The following ZFHX3 variants were observed in gnomAD, a reference collection of about 807,000 sequenced individuals.
ZFHX3 encodes zinc finger homeobox 3, also known as zinc finger homeobox protein 3.
ZFHX3 carries 42 observed loss-of-function variants against 279.1 expected under a neutral mutation model. That is an observed-to-expected ratio of 0.15 (90% CI 0.12 to 0.19). The LOEUF is 0.19. Ranked by LOEUF, ZFHX3 falls within the 10% of genes least tolerant of loss-of-function variation. ZFHX3 has a pLI of 1.00. For missense variants in ZFHX3, 4,981 were observed against 4,754.0 expected, an observed-to-expected ratio of 1.05 and a Z score of -1.40; for synonymous variants, 2,293 against 1,957.8, an observed-to-expected ratio of 1.17 and a Z score of -4.52.
chr16:73,277,926 T>C (rs564748241), intron 4 of ZFHX3, among the ~76,000 whole-genome samples: 110 of 152,092 alleles, frequency 7.2e-4, no homozygotes, highest in Non-Finnish European at 1.2e-3. Flanking sequence ...AGATGCTACA[T>C]ACCTTTAAAC....
At chr16:73,874,569 A>G (rs1483146376) in intron 1 of ZFHX3, among the ~76,000 whole-genome samples, 1 of 152,204 alleles carries the variant, frequency 6.6e-6, no homozygotes, top group Non-Finnish European at 1.5e-5. Flanking sequence ...AAACAGTTCA[A>G]TCCTGTGTTT....
At chr16:73,311,589 C>CAAAAA (rs1156241061) in intron 4 of ZFHX3, among the ~76,000 whole-genome samples, 2 of 27,988 alleles carry the variant, frequency 7.1e-5, no homozygotes, top group Non-Finnish European at 1.3e-4. Context: ...TACTCCATCT[C>CAAAAA]AAAAAAAAAA....
intron 3 of ZFHX3, among the ~76,000 whole-genome samples, chr16:72,897,070 C>G (rs958317842): frequency 2.6e-5 from 4 of 152,196 alleles, no homozygotes; most frequent in African/African-American, 9.7e-5. Flanking sequence ...AGAGGAGAAA[C>G]CCCATGGTGG....
intron 5 of ZFHX3, among the ~76,000 whole-genome samples, chr16:73,242,642 C>T (rs1000718401): frequency 1.3e-5 from 2 of 152,202 alleles, no homozygotes; most frequent in South Asian, 2.1e-4. Flanking sequence ...TTGCAAGATG[C>T]TCCCTTGGAA....
intron 7 of ZFHX3, among the ~76,000 whole-genome samples, chr16:72,803,147 C>A (rs1235382342): frequency 1.3e-5 from 2 of 152,156 alleles, no homozygotes; most frequent in African/African-American, 4.8e-5. Flanking sequence ...GCCTGGCCAA[C>A]ATGGTGAAAC....
At chr16:73,044,171 A>G (rs944935222) in intron 1 of ZFHX3, among the ~76,000 whole-genome samples, 6 of 152,076 alleles carry the variant, frequency 3.9e-5, no homozygotes, top group Admixed American at 6.5e-5. Context: ...CAGGCAGAGG[A>G]CGGTGGTTCT....
intron 5 of ZFHX3, among the ~76,000 whole-genome samples, chr16:73,220,485 T>C (rs1597227059): frequency 3.9e-5 from 6 of 152,092 alleles, no homozygotes; most frequent in African/African-American, 1.4e-4. Flanking sequence ...TGTCAAAGGA[T>C]GTTAAATAGA....
chr16:73,306,783 T>C (rs996878670), intron 4 of ZFHX3, among the ~76,000 whole-genome samples: 1 of 152,182 alleles, frequency 6.6e-6, no homozygotes. Context: ...GGGAATCAGA[T>C]GGTTTATGCA....
Position 73,749,084 on chromosome 16 carries a change from G to A in ZFHX3, c.-1607-68844C>T, listed in dbSNP as rs1477864692. Among the ~76,000 whole-genome samples the A allele has an allele frequency of 3.9e-5, 6 of 151,904 alleles. No individual in the cohort carries two copies. In the East Asian group the frequency reaches 7.8e-4, roughly 20 times the overall value. On this transcript the variant is annotated intron_variant, in intron 1 of 17. Transcript: ENST00000641206. Reference sequence around the variant, plus strand: ...ATTACAGGTGTGAGCCACCATGCCCGGCCCCAAACTCACCTTTCTAAACTA... The same window carrying A: ...ATTACAGGTGTGAGCCACCATGCCCAGCCCCAAACTCACCTTTCTAAACTA...
At chr16:72,852,698 T>TA (rs892709846) in intron 4 of ZFHX3, among the ~76,000 whole-genome samples, 3 of 152,158 alleles carry the variant, frequency 2.0e-5, no homozygotes, top group African/African-American at 4.8e-5. Flanking sequence ...TTCCTTTTTT[T>TA]AAAAAAAGAG....
At chr16:73,117,810 G>T (rs919861979) in intron 7 of ZFHX3, among the ~76,000 whole-genome samples, 3 of 152,140 alleles carry the variant, frequency 2.0e-5, no homozygotes, top group East Asian at 1.9e-4. Context: ...TATAAAAAAG[G>T]CCTGAGAGAG....
intron 2 of ZFHX3, among the ~76,000 whole-genome samples, chr16:73,571,546 T>C (rs1326963786): frequency 2.0e-5 from 3 of 152,230 alleles, no homozygotes; most frequent in Non-Finnish European, 4.4e-5. Flanking sequence ...AACTGCTTTT[T>C]TGTTATTAAA....
At chr16:73,776,545 C>T (rs1205159115) in intron 1 of ZFHX3, among the ~76,000 whole-genome samples, 1 of 151,956 alleles carries the variant, frequency 6.6e-6, no homozygotes, top group Non-Finnish European at 1.5e-5. Context: ...AATATGCAAC[C>T]GCGTTAATGC....
At chr16:73,875,643 T>C (rs1271969846) in intron 1 of ZFHX3, among the ~76,000 whole-genome samples, 1 of 152,210 alleles carries the variant, frequency 6.6e-6, no homozygotes, top group Non-Finnish European at 1.5e-5. Context: ...AAGGGTTATA[T>C]TTGTTCATAA....
At chr16:73,817,896 A>C (rs1169456184) in intron 1 of ZFHX3, among the ~76,000 whole-genome samples, 1 of 151,892 alleles carries the variant, frequency 6.6e-6, no homozygotes, top group East Asian at 1.9e-4. Flanking sequence ...TTTGTACCGA[A>C]CCCCCCTCAA....
chr16:72,996,594 C>T (rs1963302832), intron 1 of ZFHX3, among the ~76,000 whole-genome samples: 1 of 152,200 alleles, frequency 6.6e-6, no homozygotes, highest in Non-Finnish European at 1.5e-5. Flanking sequence ...AGATAAATTC[C>T]ATAACTGGTT....
chr16:72,821,252 GAAGA>G (rs1387939480), intron 5 of ZFHX3, among the ~76,000 whole-genome samples: 4 of 152,134 alleles, frequency 2.6e-5, no homozygotes, highest in Admixed American at 2.0e-4. Flanking sequence ...TATACTTAGG[GAAGA>G]AAGACATTAC....
At chr16:72,801,960 G>A (rs111716462) in intron 7 of ZFHX3, among the ~76,000 whole-genome samples, 2 of 152,016 alleles carry the variant, frequency 1.3e-5, no homozygotes, top group Non-Finnish European at 2.9e-5. Context: ...CTCGGTTGTA[G>A]CTGCAAGATC....
chr16:73,764,271 C>T (rs1355909744), intron 1 of ZFHX3, among the ~76,000 whole-genome samples: 1 of 152,192 alleles, frequency 6.6e-6, no homozygotes, highest in African/African-American at 2.4e-5. Context: ...TGCTTGCTGC[C>T]ATCCTGCCTT....
Sources: allele counts gnomAD v4.1 joint callset (sites outside exome capture counted in the v4.1 genomes callset), GRCh38; gene constraint gnomAD v4.1.1; transcripts MANE v1.5; gene names NCBI Gene and HGNC (gene_info 2026-07-23, HGNC 2026-07-21).